Variants in CDON observed in about 807,000 individuals in gnomAD.
The protein encoded by CDON is cell adhesion molecule-related/down-regulated by oncogenes.
CDON carries 73 observed loss-of-function variants against 120.9 expected under a neutral mutation model. The ratio of observed to expected loss-of-function variants is 0.60; its 90% CI spans 0.50 to 0.73. The LOEUF is 0.73. CDON is among the 30% of genes least tolerant of loss of function. The pLI, the probability that CDON is intolerant of heterozygous loss-of-function variation, is 0.00. For missense variants in CDON, 1,470 were observed against 1,587.3 expected (o/e 0.93, Z 1.26); for synonymous variants, 566 against 573.5 (o/e 0.99, Z 0.19).
At chr11:125,998,000 C>T (rs759844065) in intron 11 of CDON, among the ~76,000 whole-genome samples, 2 of 152,036 alleles carry the variant, frequency 1.3e-5, no homozygotes, top group Non-Finnish European at 2.9e-5. Context: ...AGGATGAATA[C>T]GGGAAGACAG....
chr11:126,028,708 A>C lies in CDON; in HGVS notation c.-61-5171T>G, dbSNP rs1947866055. 8.9e-5 allele frequency among the ~76,000 whole-genome samples: 3 copies of C among 33,880 alleles called. No homozygotes were observed. In the South Asian group the frequency reaches 3.1e-3, roughly 35 times the overall value. 22.2% of individuals were successfully genotyped at this position (33,880 alleles called of 152,430 possible). On this transcript the variant is annotated intron_variant, in intron 1 of 19. Transcript: ENST00000531738. ...ATAAAACTTTTAACAGCTGCGGAGA[A>C]TTTATTTATTTATTTATTTATTTAT... is the stretch of plus-strand genomic sequence containing the variant.
chr11:125,990,534 C>T (rs533196697), intron 14 of CDON, among the ~76,000 whole-genome samples: 79 of 152,302 alleles, frequency 5.2e-4, no homozygotes, highest in African/African-American at 1.9e-3. Flanking sequence ...GACACTTTTG[C>T]CAGATTAAAT....
At chr11:125,993,097 T>C (rs1946676321) in intron 14 of CDON, among the ~76,000 whole-genome samples, 1 of 152,176 alleles carries the variant, frequency 6.6e-6, no homozygotes, top group South Asian at 2.1e-4. Context: ...CTCCCCCAAT[T>C]GACTCAGCTC....
In CDON at chr11:126,020,186, C is replaced by T. The variant is rs116178239; in HGVS notation, c.350-421G>A. Among the ~76,000 whole-genome samples the T allele has an allele frequency of 1.7e-3, 253 of 152,314 alleles. 2 individuals carry two copies. Among genetic ancestry groups the T allele is most frequent in the African/African-American group, 5.8e-3 (239 of 41,564 alleles). ...GAATAAATATAAACTGCTCCTAAGACATCTAGAACCATAAAGCATAATTAT... is the reference window on the plus strand; with the variant it reads ...GAATAAATATAAACTGCTCCTAAGATATCTAGAACCATAAAGCATAATTAT... On this transcript the variant is annotated intron_variant, in intron 3 of 19. Coordinates refer to ENST00000531738, the MANE Select transcript of CDON (RefSeq NM_001378964.1).
intron 2 of CDON, among the ~76,000 whole-genome samples, chr11:126,021,874 C>A (rs116757320): frequency 1.8e-4 from 27 of 152,020 alleles, no homozygotes; most frequent in African/African-American, 5.8e-4. Context: ...GAGGCCAAGG[C>A]GGGTGAATCC....
chr11:126,063,024 C>T (rs977358195), upstream of CDON, among the ~76,000 whole-genome samples: 1 of 151,590 alleles, frequency 6.6e-6, no homozygotes, highest in Admixed American at 6.6e-5. Flanking sequence ...GCCCCGCCGG[C>T]CCGCACCCGG....
chr11:126,020,860 A>G (rs1947613451), intron 3 of CDON, among the ~76,000 whole-genome samples: 1 of 152,248 alleles, frequency 6.6e-6, no homozygotes, highest in Non-Finnish European at 1.5e-5. Flanking sequence ...GGACTCCAGG[A>G]AATAACTGTC....
chr11:125,989,551 A>G, intron 15 of CDON, 86 bp downstream of exon 15: 1 of 1,348,808 alleles, frequency 7.4e-7, no homozygotes, highest in Non-Finnish European at 1.1e-6. Context: ...AAGACAAAAC[A>G]AAACCCAGAA....
chr11:126,037,989 G>A (rs555289707), intron 1 of CDON, among the ~76,000 whole-genome samples: 1 of 152,074 alleles, frequency 6.6e-6, no homozygotes, highest in South Asian at 2.1e-4. Flanking sequence ...AGGAAAGGGG[G>A]AAAAAACAGC....
chr11:125,980,949 T>C, intron 17 of CDON, 100 bp downstream of exon 17: 1 of 1,204,702 alleles, frequency 8.3e-7, no homozygotes, highest in East Asian at 2.3e-5. Flanking sequence ...AGGAAACTTG[T>C]GAGGTTTCTA....
chr11:125,990,297 A>C (rs1946600007), intron 14 of CDON, among the ~76,000 whole-genome samples: 1 of 152,208 alleles, frequency 6.6e-6, no homozygotes, highest in South Asian at 2.1e-4. Flanking sequence ...GCTGAGGATC[A>C]CCAAAAAGCA....
At chr11:125,989,112 A>G (rs1671891772) in intron 15 of CDON, among the ~76,000 whole-genome samples, 1 of 152,218 alleles carries the variant, frequency 6.6e-6, no homozygotes, top group African/African-American at 2.4e-5. Flanking sequence ...AAACTAATGA[A>G]CAGGATTAAT....
At chr11:126,003,080 A>G (rs1271075795) in intron 10 of CDON, among the ~76,000 whole-genome samples, 1 of 151,894 alleles carries the variant, frequency 6.6e-6, no homozygotes, top group African/African-American at 2.4e-5. Context: ...AACAACTCCT[A>G]CCCCATATAC....
At chr11:126,028,605 C>T (rs1229381826) in intron 1 of CDON, among the ~76,000 whole-genome samples, 1 of 151,968 alleles carries the variant, frequency 6.6e-6, no homozygotes. Context: ...TCAAGCAATC[C>T]ACCTGCCTCA....
intron 18 of CDON, among the ~76,000 whole-genome samples, chr11:125,972,634 C>T (rs1435156637): frequency 6.6e-6 from 1 of 152,044 alleles, no homozygotes; most frequent in Non-Finnish European, 1.5e-5. Context: ...GTTTTCCCTC[C>T]AGATGGTTAT....
At chr11:126,052,515 G>T (rs1292783706) in intron 1 of CDON, among the ~76,000 whole-genome samples, 1 of 152,000 alleles carries the variant, frequency 6.6e-6, no homozygotes, top group Non-Finnish European at 1.5e-5. Flanking sequence ...AAAAATATTT[G>T]GAAAATAAAA....
At position 125,960,994 on chromosome 11, in the gene CDON, C is replaced by G; in HGVS notation, c.3743G>C (p.Gly1248Ala). The G allele has an allele frequency of 5.6e-6, 9 of 1,614,122 alleles. No homozygotes were observed. The highest frequency in any genetic ancestry group is 7.6e-6 in the Non-Finnish European group (9 of 1,179,992). The change falls in exon 20 of 20, where the codon GGC (glycine) becomes GCC (alanine). Residue 1248 changes from glycine to alanine, a missense_variant. Coordinates refer to ENST00000531738, the MANE Select transcript of CDON (RefSeq NM_001378964.1). The part of the protein sequence containing the change: ...CAEKTMWSPP[G>A]IPLDSPTEVL... ...CTCTGTCGGGCTGTCTAAAGGAATGCCAGGTGGAGACCACATTGTCTTCTC... is the reference window on the plus strand; with the variant it reads ...CTCTGTCGGGCTGTCTAAAGGAATGGCAGGTGGAGACCACATTGTCTTCTC...
At chr11:126,019,892 G>C in intron 3 of CDON, 127 bp from the exon 4 acceptor site, 2 of 782,496 alleles carry the variant, frequency 2.6e-6, no homozygotes, top group Non-Finnish European at 4.2e-6. Flanking sequence ...CCAGTCCAGA[G>C]GGCTGCATGA....
chr11:126,008,193 A>G (rs1027140611), intron 8 of CDON, among the ~76,000 whole-genome samples: 10 of 152,134 alleles, frequency 6.6e-5, no homozygotes, highest in Non-Finnish European at 1.3e-4. Flanking sequence ...TCAAAAACCC[A>G]AAGTCTCTGG....
Sources: gnomAD v4.1 joint callset for allele counts (sites outside exome capture counted in the v4.1 genomes callset) on GRCh38, gnomAD v4.1.1 for gene constraint, MANE v1.5 for transcripts, NCBI Gene and HGNC (gene_info 2026-07-23, HGNC 2026-07-21) for gene names.